ZHX2: variants seen among roughly 807,000 people sequenced by gnomAD.
ZHX2 encodes zinc fingers and homeoboxes 2.
In ZHX2, 6 loss-of-function variants were observed where a neutral mutation model predicts 21.9. The ratio of observed to expected loss-of-function variants is 0.27; its 90% CI spans 0.15 to 0.54. The LOEUF (loss-of-function observed/expected upper bound fraction) is 0.54, where lower values mean the gene tolerates loss of function less well. Ranked by LOEUF, ZHX2 falls within the 20% of genes least tolerant of loss-of-function variation. ZHX2 has a pLI of 0.95. For synonymous variants in ZHX2, 434 were observed against 437.1 expected (o/e 0.99, Z 0.09); for missense variants, 908 against 1,090.7 (o/e 0.83, Z 2.36).
intron 2 of ZHX2, among the ~76,000 whole-genome samples, chr8:122,923,408 G>A (rs538976678): frequency 3.7e-4 from 56 of 152,336 alleles, no homozygotes; most frequent in African/African-American, 1.3e-3. Flanking sequence ...ACTCCTCCAA[G>A]AGGAAAGAAG....
intron 2 of ZHX2, among the ~76,000 whole-genome samples, chr8:122,891,916 C>T (rs1411032747): frequency 1.3e-5 from 2 of 152,110 alleles, no homozygotes; most frequent in Non-Finnish European, 2.9e-5. Flanking sequence ...TGAAATGTTC[C>T]GTAAATGTCC....
At chr8:122,915,551 G>C (rs1021533662) in intron 2 of ZHX2, among the ~76,000 whole-genome samples, 4 of 152,184 alleles carry the variant, frequency 2.6e-5, no homozygotes, top group African/African-American at 9.7e-5. Flanking sequence ...ATTTCATGTG[G>C]AAAATCGTTC....
At chr8:122,860,914 T>G (rs1409951988) in intron 1 of ZHX2, among the ~76,000 whole-genome samples, 2 of 151,362 alleles carry the variant, frequency 1.3e-5, no homozygotes, top group Non-Finnish European at 2.9e-5. Context: ...ATGCCTGTAG[T>G]CCCAGCTACT....
intron 2 of ZHX2, among the ~76,000 whole-genome samples, chr8:122,872,847 G>A (rs918346373): frequency 6.6e-6 from 1 of 152,142 alleles, no homozygotes; most frequent in East Asian, 1.9e-4. Context: ...TCCATCTCTC[G>A]GCTCAGCTTT....
rs142739771 is a variant in ZHX2 at position 122,952,200 on chromosome 8, C to T, written c.690C>T (p.Gly230=). 2.5e-5 allele frequency: 40 copies of T among 1,613,654 alleles called. No homozygotes were observed. The highest frequency in any genetic ancestry group is 2.4e-4 in the African/African-American group (18 of 74,860). ...TDTAEILSRL[G]GVELLQDTLG... is the part of the protein sequence containing the mutation. ...CAGCTGAGATCCTCTCGAGACTCGG[C>T]GGGGTGGAGCTCCTCCAAGACACAT... Residue 230 remains glycine (G), a synonymous_variant, in exon 3 of 4, where the codon GGC becomes GGT. Transcript: ENST00000314393. The surrounding 1 kb of genome is among the most constrained non-coding windows in gnomAD (Gnocchi z 6.9).
intron 2 of ZHX2, among the ~76,000 whole-genome samples, chr8:122,935,172 A>G (rs1258460121): frequency 6.7e-6 from 1 of 150,280 alleles, no homozygotes; most frequent in Admixed American, 6.6e-5. Context: ...TTTTTTATCT[A>G]TTTGAAGCTC....
intron 3 of ZHX2, among the ~76,000 whole-genome samples, chr8:122,969,225 G>A (rs1813660616): frequency 1.3e-5 from 2 of 152,078 alleles, no homozygotes; most frequent in Admixed American, 6.6e-5. Flanking sequence ...GAGTGATGTT[G>A]ACCAGGGGAT....
At chr8:122,910,754 G>A (rs1360839397) in intron 2 of ZHX2, among the ~76,000 whole-genome samples, 1 of 151,126 alleles carries the variant, frequency 6.6e-6, no homozygotes, top group Non-Finnish European at 1.5e-5. Flanking sequence ...GGGGGTGGGG[G>A]GTGAGGAATA....
intron 1 of ZHX2, among the ~76,000 whole-genome samples, chr8:122,818,762 C>A (rs1271048783): frequency 6.6e-6 from 1 of 152,188 alleles, no homozygotes; most frequent in Non-Finnish European, 1.5e-5. Flanking sequence ...ATCTTCGTTG[C>A]TTAGGAATTG....
intron 1 of ZHX2, among the ~76,000 whole-genome samples, chr8:122,851,545 CT>C (rs1328613064): frequency 2.0e-5 from 3 of 152,212 alleles, no homozygotes; most frequent in African/African-American, 7.2e-5. Context: ...AGATTGTCTG[CT>C]TTCCCCATTA....
In ZHX2 at chr8:122,918,152, A is replaced by T. The variant is rs539933408; in HGVS notation, c.-219-33140A>T. 2.6e-5 allele frequency among the ~76,000 whole-genome samples: 4 copies of T among 152,332 alleles called. No individual in the cohort carries two copies. The South Asian group carries it at 6.2e-4, about 24-fold the overall frequency. On this transcript the variant is annotated intron_variant, in intron 2 of 3. Transcript: ENST00000314393. ...TTAAACTTATTTAATCCTCACAGTC[A>T]TGTGAACTAAGTACCAATCCCATGT... is the stretch of plus-strand genomic sequence containing the variant.
chr8:122,908,440 C>T lies in ZHX2; in HGVS notation c.-219-42852C>T, dbSNP rs540352774. 4.6e-5 allele frequency among the ~76,000 whole-genome samples: 7 copies of T among 152,034 alleles called. No individual in the cohort carries two copies. The South Asian group carries it at 6.2e-4, about 14-fold the overall frequency. On this transcript the variant is annotated intron_variant, in intron 2 of 3. Transcript: ENST00000314393. ...GGCCAGGCTGGTCTGGAACTCCTGACCTCAGATGTTCCACCCACCTCGGCC... is the reference window on the plus strand; with the variant it reads ...GGCCAGGCTGGTCTGGAACTCCTGATCTCAGATGTTCCACCCACCTCGGCC...
intron 2 of ZHX2, among the ~76,000 whole-genome samples, chr8:122,949,616 C>T (rs560986387): frequency 3.3e-4 from 50 of 152,244 alleles, no homozygotes; most frequent in African/African-American, 1.1e-3. Flanking sequence ...GACAGCAGCA[C>T]GTGGATAACT....
chr8:122,823,902 C>T (rs1025021356), intron 1 of ZHX2, among the ~76,000 whole-genome samples: 1 of 152,160 alleles, frequency 6.6e-6, no homozygotes, highest in Admixed American at 6.5e-5. Context: ...TAGTGAAGCT[C>T]CATGCTGTAG....
intron 2 of ZHX2, among the ~76,000 whole-genome samples, chr8:122,903,779 G>A (rs1303632277): frequency 6.6e-6 from 1 of 152,148 alleles, no homozygotes; most frequent in Non-Finnish European, 1.5e-5. Context: ...CACGGGGCAG[G>A]TAGATAGATG....
intron 2 of ZHX2, among the ~76,000 whole-genome samples, chr8:122,949,397 G>A (rs557393913): frequency 6.6e-6 from 1 of 152,090 alleles, no homozygotes; most frequent in South Asian, 2.1e-4. Flanking sequence ...TATTATTTAT[G>A]TAAAGAGAAT....
intron 1 of ZHX2, among the ~76,000 whole-genome samples, chr8:122,811,511 C>T (rs1214119498): frequency 6.6e-6 from 1 of 152,202 alleles, no homozygotes; most frequent in Non-Finnish European, 1.5e-5. Flanking sequence ...ATGGAAGAAC[C>T]AGACAAGGGG....
Position 122,952,079 on chromosome 8 carries a change from G to A in ZHX2, c.569G>A (p.Gly190Glu), listed in dbSNP as rs1465995399. ...SVSKTPIMKP[G>E]KPKADAKKVP... ...AGTAAAACCCCCATCATGAAGCCTG[G>A]AAAACCAAAAGCGGATGCCAAGAAG... The change falls in exon 3 of 4, where the codon GGA becomes GAA. Residue 190 changes from glycine to glutamate, a missense_variant. Around this residue, in one of 4 missense-constraint regions of ZHX2, gnomAD observed 220 missense variants for 251.4 expected, o/e 0.88. Coordinates refer to ENST00000314393, the MANE Select transcript of ZHX2 (RefSeq NM_014943.5). This position sits in a 1 kb window ranked among gnomAD's most constrained non-coding sequence, Gnocchi z 6.9. 6.2e-7 allele frequency: 1 copy of A among 1,613,518 alleles called. No individual in the cohort carries two copies. The highest frequency in any genetic ancestry group is 1.7e-5 in the Admixed American group (1 of 59,976).
intron 1 of ZHX2, among the ~76,000 whole-genome samples, chr8:122,822,153 A>G (rs1362885834): frequency 6.6e-6 from 1 of 152,222 alleles, no homozygotes; most frequent in African/African-American, 2.4e-5. Flanking sequence ...TTGCATTTTG[A>G]AAAAATGAAT....
Sources: allele counts gnomAD v4.1 joint callset (sites outside exome capture counted in the v4.1 genomes callset), GRCh38; gene constraint gnomAD v4.1.1; regional missense constraint gnomAD v4.1.1; non-coding constraint Gnocchi (gnomAD v3.1); transcripts MANE v1.5; gene names NCBI Gene and HGNC (gene_info 2026-07-23, HGNC 2026-07-21).